Variants in PSD observed in about 807,000 individuals in gnomAD.
PSD encodes the protein pleckstrin and Sec7 domain containing, also known as PH and SEC7 domain-containing protein 1.
PSD carries 32 observed loss-of-function variants against 91.6 expected under a neutral mutation model. That is an observed-to-expected ratio of 0.35 (90% CI 0.26 to 0.47). The LOEUF is 0.47. Ranked by LOEUF, PSD falls within the 20% of genes least tolerant of loss-of-function variation. The pLI is 1.00. For synonymous variants in PSD, 532 were observed against 569.3 expected (o/e 0.93, Z 0.93); for missense variants, 1,099 against 1,373.9 (o/e 0.80, Z 3.16).
At chr10:102,406,856 T>C (rs533591330) in intron 11 of PSD, among the ~76,000 whole-genome samples, 2 of 152,208 alleles carry the variant, frequency 1.3e-5, no homozygotes, top group Admixed American at 1.3e-4. Context: ...CATGGTTACT[T>C]GTTTTGTTCT....
chr10:102,406,534 GTCTC>G (rs370067518), intron 11 of PSD, among the ~76,000 whole-genome samples: 5 of 147,162 alleles, frequency 3.4e-5, no homozygotes, highest in African/African-American at 5.1e-5. Flanking sequence ...TTGAGACGGA[GTCTC>G]TCTCTGTCAC....
Position 102,414,894 on chromosome 10 carries a change from C to G in PSD, c.1093G>C (p.Asp365His). The change falls in exon 4 of 17, where the codon GAC (aspartate) becomes CAC (histidine). Residue 365 changes from aspartate (D) to histidine (H), a missense_variant. By Grantham distance (81) the Asp-to-His change is moderately conservative. This residue lies in a region of PSD where 631 missense variants were observed against 728.8 expected (regional missense o/e 0.87). Transcript: ENST00000020673. The surrounding 1 kb of genome is among the most constrained non-coding windows in gnomAD (Gnocchi z 5.6). ...CCTTCAGAGGCCTCAAACACCTCGT[C>G]GTCCACATCTTCTTCCCCACCTGCC... ...DEAGGEEDVD[D>H]EVFEASEGAR... 2 of 1,504,954 alleles carry G rather than the reference C, an allele frequency of 1.3e-6. No individual in the cohort carries two copies. Among genetic ancestry groups the G allele is most frequent in the East Asian group, 2.3e-5 (1 of 43,622 alleles). The allele number at this position is 1,504,954 out of a possible 1,614,324, so 93.2% of individuals were successfully genotyped here. A position where few individuals can be genotyped will look rare whatever the true frequency, so the allele number is the denominator to read the frequency against.
chr10:102,402,701 G>GC lies in PSD; in HGVS notation c.*498dup. The GC allele has an allele frequency of 3.2e-6, 1 of 310,078 alleles. No individual in the cohort carries two copies. Among genetic ancestry groups the GC allele is most frequent in the Non-Finnish European group, 6.0e-6 (1 of 167,826 alleles). 19.2% of individuals were successfully genotyped at this position (310,078 alleles called of 1,614,324 possible). On this transcript the variant is annotated 3_prime_UTR_variant, in exon 17 of 17. Transcript: ENST00000020673. ...AAGCGGGGGAAAGCCAGGCCGTGCT[G>GC]CCCCCGGCCCAGGTATGGGGCCTTG... is the stretch of plus-strand genomic sequence containing the variant.
At chr10:102,406,722 G>A (rs1180103052) in intron 11 of PSD, among the ~76,000 whole-genome samples, 1 of 152,176 alleles carries the variant, frequency 6.6e-6, no homozygotes, top group Admixed American at 6.5e-5. Context: ...AGCCAGGATG[G>A]TCTTGATCTC....
Position 102,410,757 on chromosome 10 carries a change from G to A in PSD, c.2091+101C>T, listed in dbSNP as rs937310702. On this transcript the variant is annotated intron_variant, in intron 10 of 16. Transcript: ENST00000020673. The surrounding 1 kb of genome is among the most constrained non-coding windows in gnomAD (Gnocchi z 6.0). ...GCTTCCGTGGCAGGAGCCGGGGGTC[G>A]GCAAGCCCCAGCCCTGCCCTCCCTC... 2.1e-6 allele frequency: 2 copies of A among 937,208 alleles called. No homozygotes were observed. The highest frequency in any genetic ancestry group is 1.9e-5 in the Admixed American group (1 of 53,880). 58.1% of individuals were successfully genotyped at this position (937,208 alleles called of 1,614,324 possible).
At chr10:102,415,310 A>G (rs2061466587) in intron 3 of PSD, 81 bp from the exon 4 acceptor site, 1 of 1,456,470 alleles carries the variant, frequency 6.9e-7, no homozygotes, top group Non-Finnish European at 9.1e-7. Flanking sequence ...ATCTCTGCCC[A>G]CTGCCTCATA....
At position 102,404,175 on chromosome 10, in the gene PSD, C is replaced by T. The variant is rs535943316; in HGVS notation, c.2701-190G>A. On this transcript the variant is annotated intron_variant, in intron 15 of 16. Coordinates refer to ENST00000020673, the MANE Select transcript of PSD (RefSeq NM_002779.5). This position sits in a 1 kb window ranked among gnomAD's most constrained non-coding sequence, Gnocchi z 5.7. ...CATCCTGGCTAACACGGTGAAACCCCGTCTCTACTAAAAATATAAAAAATT... is the reference window on the plus strand; with the variant it reads ...CATCCTGGCTAACACGGTGAAACCCTGTCTCTACTAAAAATATAAAAAATT... Among the ~76,000 whole-genome samples, 6 of 152,206 alleles carry T rather than the reference C, an allele frequency of 3.9e-5. No individual in the cohort carries two copies. Among genetic ancestry groups the T allele is most frequent in the Non-Finnish European group, 8.8e-5 (6 of 67,996 alleles).
chr10:102,418,085 ACACACG>A (rs970361732), intron 1 of PSD, among the ~76,000 whole-genome samples: 4 of 150,858 alleles, frequency 2.7e-5, no homozygotes, highest in African/African-American at 9.8e-5. Context: ...ACACACACAC[ACACACG>A]CACACACATA....
chr10:102,403,819 G>A lies in PSD; in HGVS notation c.2844+23C>T, dbSNP rs777869630. Reference sequence around the variant, plus strand: ...TAGTATGGGCCTGCGTGTGTGGACAGAGGGGCAGACAGGGAGGCTCACCTC... The same window carrying A: ...TAGTATGGGCCTGCGTGTGTGGACAAAGGGGCAGACAGGGAGGCTCACCTC... On this transcript the variant is annotated intron_variant, in intron 16 of 16. Coordinates refer to ENST00000020673, the MANE Select transcript of PSD (RefSeq NM_002779.5). The surrounding 1 kb of genome is among the most constrained non-coding windows in gnomAD (Gnocchi z 6.7). 1.2e-6 allele frequency: 2 copies of A among 1,606,128 alleles called. No homozygotes were observed. The highest frequency in any genetic ancestry group is 8.5e-7 in the Non-Finnish European group (1 of 1,175,542).
At chr10:102,411,154 A>C (rs2061420933) in intron 8 of PSD, 38 bp from the exon 9 acceptor site, 3 of 1,567,324 alleles carry the variant, frequency 1.9e-6, no homozygotes, top group Non-Finnish European at 2.6e-6. Flanking sequence ...GCTGCCTCCC[A>C]GGGACCCTTC....
rs1485589293 is a variant in PSD, at chr10:102,403,406, C to T, written c.2869G>A (p.Ala957Thr). The change falls in exon 17 of 17, where the codon GCG becomes ACG. Residue 957 changes from alanine (A) to threonine (T), a missense_variant. Ala to Thr is a moderately conservative substitution (Grantham distance 58). Coordinates refer to ENST00000020673, the MANE Select transcript of PSD (RefSeq NM_002779.5). This position sits in a 1 kb window ranked among gnomAD's most constrained non-coding sequence, Gnocchi z 6.7. ...GCCTTCAGCTTGACCCGAAGCAGCG[C>T]TGCATAGGTGCTGTAGCGGGATTTC... The part of the protein sequence containing the change: ...FEKSRYSTYA[A>T]LLRVKLKAGS... 1 of 1,612,332 alleles carries T rather than the reference C, an allele frequency of 6.2e-7. No individual in the cohort carries two copies. Among genetic ancestry groups the T allele is most frequent in the Non-Finnish European group, 8.5e-7 (1 of 1,179,780 alleles).
chr10:102,404,940 T>C lies in PSD; in HGVS notation c.2513A>G (p.Tyr838Cys), dbSNP rs150236656. The C allele has an allele frequency of 1.2e-4, 200 of 1,613,848 alleles. No individual in the cohort carries two copies. Among genetic ancestry groups the C allele is most frequent in the Admixed American group, 3.3e-5 (2 of 59,986 alleles). Residue 838 changes from tyrosine (Y) to cysteine (C), a missense_variant, in exon 14 of 17, where the codon TAC becomes TGC. Physicochemically the swap from Tyr to Cys is radical, Grantham distance 194. Coordinates refer to ENST00000020673, the MANE Select transcript of PSD (RefSeq NM_002779.5). This position sits in a 1 kb window ranked among gnomAD's most constrained non-coding sequence, Gnocchi z 5.7. ...GACCCGCCAGTCAGCTGTGCGCAGG[T>C]AGAAGACGTGGGGCCTCTTGCTGTA... Reference protein sequence around the residue: ...SDYSKRPHVFYLRTADWRVFL... With the variant: ...SDYSKRPHVFCLRTADWRVFL...
In PSD at chr10:102,416,430, C is replaced by T. The variant is rs2061481552; in HGVS notation, c.609G>A (p.Leu203=). Residue 203 remains leucine (L), a synonymous_variant, in exon 2 of 17, where the codon CTG becomes CTA. Transcript: ENST00000020673. This position sits in a 1 kb window ranked among gnomAD's most constrained non-coding sequence, Gnocchi z 6.0. ...CAGCAGGTCCTCCGAAGAGTGTGGC[C>T]AGGCGCTCAGGGGGGCCCCCCAGCC... ...PNGLGGPPER[L]ATLFGGPADT... is the part of the protein sequence containing the mutation. 3 of 1,610,834 alleles carry T rather than the reference C, an allele frequency of 1.9e-6. No homozygotes were observed. The South Asian group carries it at 3.3e-5, about 18-fold the overall frequency.
In PSD at chr10:102,405,983, A is replaced by G. The variant is rs2061356155; in HGVS notation, c.2136-447T>C. ...ACCCCAACCCCATACATCCTGGTCT[A>G]CAGGCTCAGTCAGATACAAAATTTC... On this transcript the variant is annotated intron_variant, in intron 11 of 16. Transcript: ENST00000020673. The surrounding 1 kb of genome is among the most constrained non-coding windows in gnomAD (Gnocchi z 5.4). 1 of 167,822 alleles carries G rather than the reference A, an allele frequency of 6.0e-6. No homozygotes were observed. The highest frequency in any genetic ancestry group is 2.4e-5 in the African/African-American group (1 of 41,960). The allele number at this position is 167,822 out of a possible 1,614,324, so 10.4% of individuals were successfully genotyped here.
rs755781441 is a variant in PSD, at chr10:102,417,060, G to T, written c.-22C>A. ...CCATGCTGGGGCCGGGGGTCAGGCT[G>T]GGGGGGCAGGGATGGCGAGGCCAGG... On this transcript the variant is annotated 5_prime_UTR_variant, in exon 2 of 17. Coordinates refer to ENST00000020673, the MANE Select transcript of PSD (RefSeq NM_002779.5). 14 of 1,482,038 alleles carry T rather than the reference G, an allele frequency of 9.4e-6. No homozygotes were observed. Among genetic ancestry groups the T allele is most frequent in the Non-Finnish European group, 1.2e-5 (13 of 1,102,870 alleles). The allele number at this position is 1,482,038 out of a possible 1,614,324, so 91.8% of individuals were successfully genotyped here.
chr10:102,411,012 G>C, intron 9 of PSD, 46 bp downstream of exon 9: 1 of 1,613,310 alleles, frequency 6.2e-7, no homozygotes, highest in Non-Finnish European at 8.5e-7. Flanking sequence ...CTGCATGTCT[G>C]GCCAGGGGTT....
Position 102,416,721 on chromosome 10 carries a change from C to A in PSD, c.318G>T (p.Val106=). 1 of 1,597,106 alleles carries A rather than the reference C, an allele frequency of 6.3e-7. No individual in the cohort carries two copies. ...TCAGTGGCCTCACACTGGCCTTCTC[C>A]ACAAAGCGGAAGATGACCACAGAGC... ...AQSSVVIFRF[V]EKASVRPLNG... The change falls in exon 2 of 17, where the codon GTG becomes GTT. Residue 106 remains valine (V), a synonymous_variant. Coordinates refer to ENST00000020673, the MANE Select transcript of PSD (RefSeq NM_002779.5). This position sits in a 1 kb window ranked among gnomAD's most constrained non-coding sequence, Gnocchi z 6.0.
chr10:102,414,002 G>T lies in PSD; in HGVS notation c.1320C>A (p.Phe440Leu). 6.2e-7 allele frequency: 1 copy of T among 1,613,990 alleles called. No individual in the cohort carries two copies. The highest frequency in any genetic ancestry group is 8.5e-7 in the Non-Finnish European group (1 of 1,179,866). The part of the protein sequence containing the change: ...ASPGPTQSPF[F>L]TFELPPQPPA... ...GGGGTTGGGGAGGCAGCTCAAAGGT[G>T]AAGAAGGGGCTCTGGGTTGGGCCAG... is the stretch of plus-strand genomic sequence containing the variant. The change falls in exon 5 of 17, where the codon TTC (phenylalanine) becomes TTA (leucine). Residue 440 changes from phenylalanine to leucine, a missense_variant. Phe to Leu is a conservative substitution (Grantham distance 22). Transcript: ENST00000020673. The surrounding 1 kb of genome is among the most constrained non-coding windows in gnomAD (Gnocchi z 5.6).
rs1297061471 is a variant in PSD at position 102,412,421 on chromosome 10, C to T, written c.1708G>A (p.Gly570Ser). 2.5e-6 allele frequency: 4 copies of T among 1,614,054 alleles called. No homozygotes were observed. The highest frequency in any genetic ancestry group is 2.2e-5 in the South Asian group (2 of 91,090). ...RLAKRLYRLD[G>S]FRKADVARHL... ...CGGGCCACATCGGCCTTCCTGAAGC[C>T]ATCTAGTCGGTACAGCCTCTTGGCC... The change falls in exon 6 of 17, where the codon GGC (glycine) becomes AGC (serine). Residue 570 changes from glycine (G) to serine (S), a missense_variant. Physicochemically the swap from Gly to Ser is moderately conservative, Grantham distance 56. Around this residue, in one of 3 missense-constraint regions of PSD, gnomAD observed 110 missense variants for 218.7 expected, o/e 0.50. Coordinates refer to ENST00000020673, the MANE Select transcript of PSD (RefSeq NM_002779.5).
Sources: allele counts gnomAD v4.1 joint callset (sites outside exome capture counted in the v4.1 genomes callset), GRCh38; gene constraint gnomAD v4.1.1; regional missense constraint gnomAD v4.1.1; non-coding constraint Gnocchi (gnomAD v3.1); transcripts MANE v1.5; gene names NCBI Gene and HGNC (gene_info 2026-07-23, HGNC 2026-07-21).